Variants in MARCHF11 observed in about 807,000 individuals in gnomAD.
MARCHF11 encodes membrane associated ring-CH-type finger 11.
In MARCHF11, 29 loss-of-function variants were observed where a neutral mutation model predicts 37.3. The observed-to-expected ratio is 0.78, with a 90% confidence interval of 0.58 to 1.06. The LOEUF is 1.06. Ranked by LOEUF, MARCHF11 falls within the 50% of genes least tolerant of loss-of-function variation. The pLI, the probability that MARCHF11 is intolerant of heterozygous loss-of-function variation, is 0.00. For missense variants in MARCHF11, 482 were observed against 533.4 expected, an observed-to-expected ratio of 0.90 and a Z score of 0.95; for synonymous variants, 233 against 228.0, an observed-to-expected ratio of 1.02 and a Z score of -0.20.
rs998052881 is a variant in MARCHF11, at chr5:16,179,024, C to G, written c.537+15G>C. ...GAGCCGCCACCGGCTGCCTCGGGGTCTCGCCGGGCCTTACCTGCTCCGCGC... is the reference window on the plus strand; with the variant it reads ...GAGCCGCCACCGGCTGCCTCGGGGTGTCGCCGGGCCTTACCTGCTCCGCGC... On this transcript the variant is annotated intron_variant, in intron 1 of 3. Transcript: ENST00000332432. 55 of 1,432,120 alleles carry G rather than the reference C, an allele frequency of 3.8e-5. No individual in the cohort carries two copies. The highest frequency in any genetic ancestry group is 4.6e-5 in the Non-Finnish European group (51 of 1,096,792). The allele number at this position is 1,432,120 out of a possible 1,614,324, so 88.7% of individuals were successfully genotyped here.
At chr5:16,159,239 A>G (rs770918207) in intron 2 of MARCHF11, among the ~76,000 whole-genome samples, 4 of 151,410 alleles carry the variant, frequency 2.6e-5, no homozygotes, top group Non-Finnish European at 5.9e-5. Context: ...ACACCATCAT[A>G]CAACAGAAGC....
At chr5:16,106,947 A>C (rs769095891) in intron 2 of MARCHF11, among the ~76,000 whole-genome samples, 2 of 152,100 alleles carry the variant, frequency 1.3e-5, no homozygotes, top group African/African-American at 4.8e-5. Flanking sequence ...CTCATTCTTA[A>C]TCTTTCTTGT....
chr5:16,088,789 T>C (rs1736742137), intron 3 of MARCHF11, among the ~76,000 whole-genome samples: 2 of 152,238 alleles, frequency 1.3e-5, no homozygotes, highest in African/African-American at 4.8e-5. Context: ...ATGATAAAAT[T>C]AGGATTTGAT....
rs185734636 is a variant in MARCHF11 at position 16,177,897 on chromosome 5, C to A, written c.538-16G>T. ...ACAACTCACCCTAAAAAGAAAACAG[C>A]TCAGTGTGAATATCTGTGTCTGTGT... is the stretch of plus-strand genomic sequence containing the variant. On this transcript the variant is annotated splice_polypyrimidine_tract_variant and intron_variant, in intron 1 of 3. Transcript: ENST00000332432. 88 of 1,599,086 alleles carry A rather than the reference C, an allele frequency of 5.5e-5. No homozygotes were observed. The African/African-American group carries it at 9.8e-4, about 18-fold the overall frequency.
intron 3 of MARCHF11, among the ~76,000 whole-genome samples, chr5:16,075,910 G>A (rs546143648): frequency 6.6e-6 from 1 of 152,294 alleles, no homozygotes; most frequent in African/African-American, 2.4e-5. Context: ...AAGGATCTGT[G>A]TTCAGCCCCA....
intron 2 of MARCHF11, among the ~76,000 whole-genome samples, chr5:16,131,392 T>G (rs1737511746): frequency 6.6e-6 from 1 of 152,222 alleles, no homozygotes; most frequent in Non-Finnish European, 1.5e-5. Context: ...TGGAAACATA[T>G]TCAATCCATT....
intron 2 of MARCHF11, among the ~76,000 whole-genome samples, chr5:16,146,035 ACTGATTTAGGGAACAC>A (rs1374556370): frequency 6.6e-6 from 1 of 152,208 alleles, no homozygotes; most frequent in Non-Finnish European, 1.5e-5. Flanking sequence ...ATTCAGTGTC[ACTGATTTAGGGAACAC>A]CTTAAACCAA....
At chr5:16,114,619 C>A in intron 2 of MARCHF11, among the ~76,000 whole-genome samples, 1 of 151,974 alleles carries the variant, frequency 6.6e-6, no homozygotes, top group East Asian at 1.9e-4. Context: ...AGAGGATCCA[C>A]TGCCTGTGTG....
At chr5:16,110,792 A>C (rs1353584844) in intron 2 of MARCHF11, among the ~76,000 whole-genome samples, 1 of 152,228 alleles carries the variant, frequency 6.6e-6, no homozygotes, top group Non-Finnish European at 1.5e-5. Context: ...ACCAAATTAT[A>C]AAATGACACT....
intron 2 of MARCHF11, among the ~76,000 whole-genome samples, chr5:16,154,788 A>T (rs1224171731): frequency 6.6e-6 from 1 of 151,984 alleles, no homozygotes; most frequent in African/African-American, 2.4e-5. Context: ...TTAAAATAAC[A>T]ACATATCATT....
intron 2 of MARCHF11, among the ~76,000 whole-genome samples, chr5:16,111,422 G>A (rs1737135377): frequency 2.0e-5 from 3 of 152,190 alleles, no homozygotes. Flanking sequence ...CTCTTGCTAT[G>A]TTTTAGCAAA....
intron 2 of MARCHF11, among the ~76,000 whole-genome samples, chr5:16,108,466 C>T (rs1399358169): frequency 3.9e-5 from 6 of 152,218 alleles, no homozygotes; most frequent in Middle Eastern, 3.4e-3. Context: ...AATAGGAAAG[C>T]GAGGGCAGGT....
intron 2 of MARCHF11, among the ~76,000 whole-genome samples, chr5:16,103,130 T>G (rs1229545770): frequency 1.4e-5 from 2 of 139,010 alleles, no homozygotes; most frequent in Non-Finnish European, 3.1e-5. Context: ...AAAACAAAAC[T>G]CCACAAAAGT....
chr5:16,070,391 AT>A (rs1353602424), intron 3 of MARCHF11, among the ~76,000 whole-genome samples: 20 of 152,224 alleles, frequency 1.3e-4, no homozygotes. Context: ...ACAAGACATT[AT>A]TATTAATTAA....
In MARCHF11 at chr5:16,125,513, T is replaced by C. The variant is rs530991850; in HGVS notation, c.694-34432A>G. ...TGGGGCTGCCATGAGGAATCCAGTC[T>C]CAAGCCTAGTCCCCAGGAATGGACT... On this transcript the variant is annotated intron_variant, in intron 2 of 3. Coordinates refer to ENST00000332432, the MANE Select transcript of MARCHF11 (RefSeq NM_001102562.3). 9.9e-5 allele frequency among the ~76,000 whole-genome samples: 15 copies of C among 152,230 alleles called. No homozygotes were observed. In the South Asian group the frequency reaches 2.9e-3, roughly 29 times the overall value.
chr5:16,123,557 A>G (rs976300815), intron 2 of MARCHF11, among the ~76,000 whole-genome samples: 2 of 152,210 alleles, frequency 1.3e-5, no homozygotes, highest in African/African-American at 2.4e-5. Context: ...GTTTTGAGAT[A>G]GTCCTGTGTG....
chr5:16,134,550 T>A (rs1020608730), intron 2 of MARCHF11, among the ~76,000 whole-genome samples: 1 of 152,190 alleles, frequency 6.6e-6, no homozygotes, highest in Non-Finnish European at 1.5e-5. Flanking sequence ...AGGCACAAAA[T>A]GTTAATGCCT....
intron 2 of MARCHF11, among the ~76,000 whole-genome samples, chr5:16,091,617 C>T (rs535361047): frequency 6.6e-6 from 1 of 152,284 alleles, no homozygotes; most frequent in African/African-American, 2.4e-5. Context: ...TAAAATTGTA[C>T]ATTATCTGTT....
intron 2 of MARCHF11, among the ~76,000 whole-genome samples, chr5:16,168,898 T>G (rs1052137753): frequency 6.6e-6 from 1 of 152,220 alleles, no homozygotes; most frequent in African/African-American, 2.4e-5. Context: ...TTATGTTTTT[T>G]AAAAAATCTA....
Sources: allele counts gnomAD v4.1 joint callset (sites outside exome capture counted in the v4.1 genomes callset), GRCh38; gene constraint gnomAD v4.1.1; transcripts MANE v1.5; gene names NCBI Gene and HGNC (gene_info 2026-07-23, HGNC 2026-07-21).